MBOAT2: variants seen among roughly 807,000 people sequenced by gnomAD.
MBOAT2 encodes the protein membrane-bound glycerophospholipid O-acyltransferase 2.
In MBOAT2, 28 loss-of-function variants were observed where a neutral mutation model predicts 63.4. That is an observed-to-expected ratio of 0.44 (90% CI 0.33 to 0.61). The LOEUF (loss-of-function observed/expected upper bound fraction) is 0.61. Ranked by LOEUF, MBOAT2 falls within the 20% of genes least tolerant of loss-of-function variation. The pLI is 0.03. For missense variants in MBOAT2, 470 were observed against 605.8 expected, an observed-to-expected ratio of 0.78 and a Z score of 2.35; for synonymous variants, 211 against 215.6, an observed-to-expected ratio of 0.98 and a Z score of 0.19.
rs1185026765 is a variant in MBOAT2 at position 8,854,701 on chromosome 2, C to T, written c.*3978G>A. 4 of 152,148 alleles carry T rather than the reference C, an allele frequency of 2.6e-5. No individual in the cohort carries two copies. The highest frequency in any genetic ancestry group is 4.8e-5 in the African/African-American group (2 of 41,426). 9.4% of individuals were successfully genotyped at this position (152,148 alleles called of 1,614,324 possible). A position where few individuals can be genotyped will look rare whatever the true frequency, so the allele number is the denominator to read the frequency against. On this transcript the variant is annotated 3_prime_UTR_variant, in exon 13 of 13. Transcript: ENST00000305997. ...TGTTCATGAATATACAAACTAAATA[C>T]TTACAAGGTATGAACTTTAAATAGG...
At chr2:8,919,082 G>A (rs1666389665) in intron 3 of MBOAT2, among the ~76,000 whole-genome samples, 2 of 152,318 alleles carry the variant, frequency 1.3e-5, no homozygotes, top group South Asian at 4.1e-4. Context: ...TATATCAGCA[G>A]TTTGTTCCTT....
chr2:8,864,101 C>A (rs1661684070), intron 10 of MBOAT2, 69 bp downstream of exon 10: 4 of 1,076,900 alleles, frequency 3.7e-6, no homozygotes, highest in Admixed American at 2.6e-5. Flanking sequence ...AGAACCTGAA[C>A]TCAATGAAGC....
At chr2:8,992,493 G>A (rs1333033093) in intron 1 of MBOAT2, among the ~76,000 whole-genome samples, 2 of 152,152 alleles carry the variant, frequency 1.3e-5, no homozygotes, top group Non-Finnish European at 2.9e-5. Context: ...TGTATATATT[G>A]TAGTTTTAGC....
Position 8,966,545 on chromosome 2 carries a change from T to C in MBOAT2, c.76-7903A>G, listed in dbSNP as rs570176177. The stretch of plus-strand genomic sequence containing the variant: ...TTTAATTTCCCAGGCAAAACTTACG[T>C]GCAGCTACGTTTGGAAAACAAGAGT... On this transcript the variant is annotated intron_variant, in intron 1 of 12. Transcript: ENST00000305997. Among the ~76,000 whole-genome samples the C allele has an allele frequency of 3.9e-5, 6 of 152,312 alleles. No homozygotes were observed. In the South Asian group the frequency reaches 1.0e-3, roughly 26 times the overall value.
chr2:8,867,190 T>C (rs906888501), intron 9 of MBOAT2, among the ~76,000 whole-genome samples: 1 of 152,168 alleles, frequency 6.6e-6, no homozygotes, highest in East Asian at 1.9e-4. Flanking sequence ...CTAGTTTTTG[T>C]ATTTTTTGTA....
chr2:8,938,152 T>C (rs1243002684), intron 3 of MBOAT2, among the ~76,000 whole-genome samples: 4 of 152,202 alleles, frequency 2.6e-5, no homozygotes, highest in East Asian at 1.9e-4. Flanking sequence ...AAATTGCATA[T>C]ACTAAATAAA....
intron 3 of MBOAT2, among the ~76,000 whole-genome samples, chr2:8,941,799 C>T (rs1019414332): frequency 1.3e-5 from 2 of 152,136 alleles, no homozygotes; most frequent in Non-Finnish European, 2.9e-5. Context: ...TTAACTTCAC[C>T]GACTGCAACT....
At chr2:8,927,171 C>T (rs533821020) in intron 3 of MBOAT2, among the ~76,000 whole-genome samples, 2 of 152,272 alleles carry the variant, frequency 1.3e-5, no homozygotes, top group South Asian at 2.1e-4. Flanking sequence ...GGGGCAGGAA[C>T]ATTCTCTGCC....
intron 3 of MBOAT2, among the ~76,000 whole-genome samples, 184 bp downstream of exon 3, chr2:8,943,003 C>A (rs1203860338): frequency 6.6e-6 from 1 of 152,146 alleles, no homozygotes; most frequent in South Asian, 2.1e-4. Flanking sequence ...AAAATGTCAA[C>A]GGTGCTTTAA....
intron 4 of MBOAT2, among the ~76,000 whole-genome samples, chr2:8,891,203 C>T (rs1044920839): frequency 2.6e-5 from 4 of 152,102 alleles, no homozygotes; most frequent in African/African-American, 9.7e-5. Context: ...TCAGCCGGTG[C>T]GTAGCACATG....
chr2:8,932,703 C>T (rs147930349), intron 3 of MBOAT2, among the ~76,000 whole-genome samples: 2 of 151,778 alleles, frequency 1.3e-5, no homozygotes, highest in African/African-American at 4.8e-5. Flanking sequence ...TAGACAGTAA[C>T]ACTTCCTACA....
intron 4 of MBOAT2, among the ~76,000 whole-genome samples, chr2:8,893,352 G>A (rs1455556885): frequency 6.6e-6 from 1 of 152,182 alleles, no homozygotes; most frequent in Non-Finnish European, 1.5e-5. Context: ...GCCCTAGACA[G>A]CAGGGTACAT....
In MBOAT2 at chr2:8,916,764, T is replaced by C. The variant is rs566490950; in HGVS notation, c.300-8048A>G. ...CCAACTGCATAAAAGGCTTGCACAT[T>C]TGAATACTAACTTTTTTATCTCTAT... On this transcript the variant is annotated intron_variant, in intron 3 of 12. Coordinates refer to ENST00000305997, the MANE Select transcript of MBOAT2 (RefSeq NM_138799.4). 3.9e-5 allele frequency among the ~76,000 whole-genome samples: 6 copies of C among 152,342 alleles called. No homozygotes were observed. In the South Asian group the frequency reaches 1.2e-3, roughly 32 times the overall value.
At chr2:8,865,078 C>T (rs1661776246) in intron 9 of MBOAT2, among the ~76,000 whole-genome samples, 1 of 152,174 alleles carries the variant, frequency 6.6e-6, no homozygotes, top group Admixed American at 6.5e-5. Context: ...AGACCTTTGT[C>T]TTAAGTTCAT....
chr2:8,944,648 G>GAC (rs61107364), intron 2 of MBOAT2, among the ~76,000 whole-genome samples: 18,238 of 140,028 alleles, frequency 0.13, 1,073 homozygotes, highest in Non-Finnish European at 0.15. Context: ...CTGTTTGACT[G>GAC]ACACACACAC....
Position 8,942,011 on chromosome 2 carries a change from T to A in MBOAT2, c.299+1176A>T, listed in dbSNP as rs866522067. Among the ~76,000 whole-genome samples, 29 of 152,338 alleles carry A rather than the reference T, an allele frequency of 1.9e-4. 1 individual carries two copies. The Middle Eastern group carries it at 0.014, about 71-fold the overall frequency. ...CTTTGAACCCATCAGAGGTACAAGT[T>A]TTTTAAAAAATAGGGTCATAATCCT... On this transcript the variant is annotated intron_variant, in intron 3 of 12. Coordinates refer to ENST00000305997, the MANE Select transcript of MBOAT2 (RefSeq NM_138799.4).
chr2:8,951,562 CT>C (rs923768322), intron 2 of MBOAT2, among the ~76,000 whole-genome samples: 2 of 152,004 alleles, frequency 1.3e-5, no homozygotes, highest in African/African-American at 4.8e-5. Context: ...TGGTCAAGGG[CT>C]TTTTTTGTGG....
At chr2:8,967,333 C>A (rs1156630758) in intron 1 of MBOAT2, among the ~76,000 whole-genome samples, 2 of 152,156 alleles carry the variant, frequency 1.3e-5, no homozygotes, top group African/African-American at 4.8e-5. Context: ...GTATTATTAA[C>A]AGTAACACTA....
chr2:8,860,738 G>A lies in MBOAT2; in HGVS notation c.1212C>T (p.Phe404=). ...RAMRNNFRHY[F]IEPSQLKLFY... Reference sequence around the variant, plus strand: ...ATAATTTCAGTTGGGAAGGTTCAATGAAATAATGTCTAAAGTTATTTCTCA... The same window carrying A: ...ATAATTTCAGTTGGGAAGGTTCAATAAAATAATGTCTAAAGTTATTTCTCA... The change falls in exon 12 of 13, where the codon TTC becomes TTT. Residue 404 remains phenylalanine, a synonymous_variant. Transcript: ENST00000305997. 1 of 1,590,846 alleles carries A rather than the reference G, an allele frequency of 6.3e-7. No homozygotes were observed.
Sources: allele counts gnomAD v4.1 joint callset (sites outside exome capture counted in the v4.1 genomes callset), GRCh38; gene constraint gnomAD v4.1.1; transcripts MANE v1.5; gene names NCBI Gene and HGNC (gene_info 2026-07-23, HGNC 2026-07-21).